SLC2A10: variants seen among roughly 807,000 people sequenced by gnomAD.
SLC2A10 encodes the protein solute carrier family 2 member 10, also known as solute carrier family 2, facilitated glucose transporter member 10.
Under a neutral mutation model 32.1 loss-of-function variants are expected in SLC2A10, and 25 were observed. That is an observed-to-expected ratio of 0.78 (90% CI 0.57 to 1.09). The LOEUF (loss-of-function observed/expected upper bound fraction) is 1.09. SLC2A10 is among the 50% of genes least tolerant of loss of function. The probability of loss-of-function intolerance (pLI) is 0.00; values close to 1 mark genes in which losing one functional copy is unlikely to be tolerated. For missense variants in SLC2A10, 673 were observed against 686.5 expected (o/e 0.98, Z 0.22); for synonymous variants, 332 against 309.6 (o/e 1.07, Z -0.76).
intron 4 of SLC2A10, among the ~76,000 whole-genome samples, chr20:46,731,117 C>T (rs1408679894): frequency 2.0e-5 from 3 of 152,178 alleles, no homozygotes; most frequent in Non-Finnish European, 4.4e-5. Context: ...TGCTTGAAGT[C>T]GTCCAAATGT....
intron 3 of SLC2A10, among the ~76,000 whole-genome samples, chr20:46,727,852 T>C (rs1195340803): frequency 1.3e-5 from 2 of 151,868 alleles, no homozygotes; most frequent in Non-Finnish European, 2.9e-5. Context: ...GTTCTTAGGG[T>C]TCAGTTATTT....
intron 4 of SLC2A10, 95 bp downstream of exon 4, chr20:46,729,583 G>A (rs1980167168): frequency 4.3e-6 from 6 of 1,401,036 alleles, no homozygotes; most frequent in African/African-American, 1.4e-5. Flanking sequence ...CCTTTTGCAA[G>A]CGGGCATTCC....
Position 46,725,399 on chromosome 20 carries a change from C to A in SLC2A10, c.363C>A (p.Ile121=). 6.8e-6 allele frequency: 11 copies of A among 1,614,194 alleles called. No homozygotes were observed. Among genetic ancestry groups the A allele is most frequent in the Non-Finnish European group, 9.3e-6 (11 of 1,180,036 alleles). Reference sequence around the variant, plus strand: ...CCCTCTCCTCCATGGCTTGCTGTATCTACGTGTCAGAGCTGGTGGGGCCAC... The same window carrying A: ...CCCTCTCCTCCATGGCTTGCTGTATATACGTGTCAGAGCTGGTGGGGCCAC... The part of the protein sequence containing the change: ...AISLSSMACC[I]YVSELVGPRQ... The change falls in exon 2 of 5, where the codon ATC becomes ATA. Residue 121 remains isoleucine, a synonymous_variant. Transcript: ENST00000359271.
intron 3 of SLC2A10, among the ~76,000 whole-genome samples, chr20:46,728,650 G>A (rs575649748): frequency 5.1e-4 from 68 of 132,262 alleles, no homozygotes; most frequent in South Asian, 1.2e-3. Flanking sequence ...TCACTCTGTC[G>A]CCCTGAGTGC....
At chr20:46,728,353 C>T (rs1980089241) in intron 3 of SLC2A10, among the ~76,000 whole-genome samples, 1 of 152,118 alleles carries the variant, frequency 6.6e-6, no homozygotes, top group South Asian at 2.1e-4. Context: ...ATTTGTCTTC[C>T]ACCTTGACAA....
chr20:46,713,841 G>A (rs1316440811), intron 1 of SLC2A10, among the ~76,000 whole-genome samples: 3 of 152,182 alleles, frequency 2.0e-5, no homozygotes, highest in South Asian at 2.1e-4. Context: ...GGCTCAGGAC[G>A]AGTCAGTCTC....
At chr20:46,733,022 G>A (rs954460914) in intron 4 of SLC2A10, among the ~76,000 whole-genome samples, 7 of 152,174 alleles carry the variant, frequency 4.6e-5, no homozygotes, top group Non-Finnish European at 1.5e-5. Context: ...GGGCAGCCAT[G>A]GTGAGAAGAT....
At chr20:46,722,168 C>A (rs538469928) in intron 1 of SLC2A10, among the ~76,000 whole-genome samples, 41 of 152,104 alleles carry the variant, frequency 2.7e-4, no homozygotes, top group African/African-American at 9.6e-4. Context: ...CTTGACCTTC[C>A]TGTTTTCCAA....
Position 46,736,151 on chromosome 20 carries a change from A to G in SLC2A10, c.*2317A>G, listed in dbSNP as rs1001372446. 6.6e-6 allele frequency: 1 copy of G among 150,482 alleles called. No homozygotes were observed. Among genetic ancestry groups the G allele is most frequent in the Non-Finnish European group, 1.5e-5 (1 of 68,012 alleles). The allele number at this position is 150,482 out of a possible 1,614,324, so 9.3% of individuals were successfully genotyped here. A position where few individuals can be genotyped will look rare whatever the true frequency, so the allele number is the denominator to read the frequency against. On this transcript the variant is annotated 3_prime_UTR_variant, in exon 5 of 5. Transcript: ENST00000359271. ...GGAATTTAGGATAAAGAATATTTAC[A>G]ATAAAGAATATTTACAATAAAGAGT... is the stretch of plus-strand genomic sequence containing the variant.
intron 4 of SLC2A10, among the ~76,000 whole-genome samples, chr20:46,731,683 G>A (rs1401048099): frequency 6.6e-6 from 1 of 152,120 alleles, no homozygotes; most frequent in Non-Finnish European, 1.5e-5. Flanking sequence ...AGGGGTTTTT[G>A]TGGAGTCCAG....
chr20:46,725,977 T>C lies in SLC2A10; in HGVS notation c.941T>C (p.Ile314Thr), dbSNP rs1979912316. 1 of 1,613,910 alleles carries C rather than the reference T, an allele frequency of 6.2e-7. No individual in the cohort carries two copies. Among genetic ancestry groups the C allele is most frequent in the African/African-American group, 1.3e-5 (1 of 75,054 alleles). The stretch of plus-strand genomic sequence containing the variant: ...CTCATGGCCCTGTCCGTCAGTGGCA[T>C]AGGCCTCGTCAGCTTTGCCGTGCCC... ...CALMALSVSG[I>T]GLVSFAVPMD... is the part of the protein sequence containing the mutation. Residue 314 changes from isoleucine (I) to threonine (T), a missense_variant, in exon 2 of 5, where the codon ATA (isoleucine) becomes ACA (threonine). By Grantham distance (89) the Ile-to-Thr change is moderately conservative. Transcript: ENST00000359271.
intron 1 of SLC2A10, among the ~76,000 whole-genome samples, chr20:46,719,438 T>C (rs548407790): frequency 2.6e-5 from 4 of 152,214 alleles, no homozygotes. Flanking sequence ...CACAGTTCCA[T>C]GTGTCTGGGG....
chr20:46,716,416 G>T (rs1421282632), intron 1 of SLC2A10, among the ~76,000 whole-genome samples: 3 of 152,188 alleles, frequency 2.0e-5, no homozygotes, highest in Non-Finnish European at 2.9e-5. Flanking sequence ...GCCTCCCAAA[G>T]TGTTGGGATT....
chr20:46,709,857 C>T (rs1016646779), intron 1 of SLC2A10, 117 bp downstream of exon 1: 9 of 1,274,360 alleles, frequency 7.1e-6, no homozygotes, highest in Non-Finnish European at 8.8e-6. Flanking sequence ...CCGCCCCGGC[C>T]GGATACCGCC....
chr20:46,718,360 C>A (rs1156287850), intron 1 of SLC2A10, among the ~76,000 whole-genome samples: 1 of 152,178 alleles, frequency 6.6e-6, no homozygotes, highest in African/African-American at 2.4e-5. Context: ...GTTTTCTTAT[C>A]CATGTCAAGG....
At chr20:46,716,543 C>T (rs1341237174) in intron 1 of SLC2A10, among the ~76,000 whole-genome samples, 1 of 152,082 alleles carries the variant, frequency 6.6e-6, no homozygotes, top group East Asian at 1.9e-4. Context: ...TTGTCAGGTC[C>T]AGGGTGGGGG....
chr20:46,709,392 G>A (rs752312581), upstream of SLC2A10: 2 of 393,496 alleles, frequency 5.1e-6, no homozygotes, highest in Non-Finnish European at 9.0e-6. Flanking sequence ...TACCAGGGAG[G>A]ATGGCTTGCT....
chr20:46,714,953 G>T (rs531045782), intron 1 of SLC2A10, among the ~76,000 whole-genome samples: 8 of 152,178 alleles, frequency 5.3e-5, no homozygotes, highest in African/African-American at 1.7e-4. Flanking sequence ...TCCTCCCACC[G>T]CACCTATCTC....
At chr20:46,722,352 G>C (rs989554873) in intron 1 of SLC2A10, among the ~76,000 whole-genome samples, 1 of 152,162 alleles carries the variant, frequency 6.6e-6, no homozygotes, top group South Asian at 2.1e-4. Flanking sequence ...ATAAAAACAG[G>C]AGCCATATCT....
Sources: allele counts gnomAD v4.1 joint callset (sites outside exome capture counted in the v4.1 genomes callset), GRCh38; gene constraint gnomAD v4.1.1; transcripts MANE v1.5; gene names NCBI Gene and HGNC (gene_info 2026-07-23, HGNC 2026-07-21).